HSF2BP: variants seen among roughly 807,000 people sequenced by gnomAD.
HSF2BP encodes heat shock transcription factor 2 binding protein, also known as heat shock factor 2-binding protein.
A neutral mutation model predicts 35.0 loss-of-function variants in HSF2BP; 35 were observed. The ratio of observed to expected loss-of-function variants is 1.00; its 90% CI spans 0.76 to 1.32. HSF2BP has a LOEUF of 1.32. Ranked by LOEUF, HSF2BP falls within the 40% of genes most tolerant of loss-of-function variation. HSF2BP has a pLI of 0.00. For missense variants in HSF2BP, 326 were observed against 321.7 expected (o/e 1.01, Z -0.10); for synonymous variants, 114 against 117.4 (o/e 0.97, Z 0.18).
At chr21:43,584,153 G>A (rs1444828337) in intron 8 of HSF2BP, among the ~76,000 whole-genome samples, 5 of 148,778 alleles carry the variant, frequency 3.4e-5, no homozygotes, top group Admixed American at 2.0e-4. Context: ...AGGGCCTGCC[G>A]AGGGAGATGA....
intron 6 of HSF2BP, among the ~76,000 whole-genome samples, chr21:43,627,564 G>A (rs543253205): frequency 3.9e-5 from 6 of 152,080 alleles, no homozygotes; most frequent in East Asian, 3.9e-4. Context: ...AAACATACCC[G>A]GTACCTATCC....
intron 6 of HSF2BP, among the ~76,000 whole-genome samples, chr21:43,620,793 G>C (rs2082323192): frequency 6.6e-6 from 1 of 152,008 alleles, no homozygotes; most frequent in Admixed American, 6.6e-5. Flanking sequence ...CACATTTGCT[G>C]AACTGAAAAA....
At chr21:43,609,590 G>A (rs545724721) in intron 7 of HSF2BP, among the ~76,000 whole-genome samples, 2 of 152,256 alleles carry the variant, frequency 1.3e-5, no homozygotes, top group Admixed American at 6.5e-5. Flanking sequence ...ACACAAGGCA[G>A]GGGGAGGCCA....
chr21:43,633,774 A>G (rs1234833651), intron 4 of HSF2BP, among the ~76,000 whole-genome samples: 1 of 152,182 alleles, frequency 6.6e-6, no homozygotes, highest in Non-Finnish European at 1.5e-5. Flanking sequence ...ACAACCTCAC[A>G]AAGCAATTTA....
chr21:43,650,743 T>C (rs1234647909), intron 3 of HSF2BP, among the ~76,000 whole-genome samples: 1 of 149,118 alleles, frequency 6.7e-6, no homozygotes, highest in African/African-American at 2.5e-5. Flanking sequence ...AGTCTCACTT[T>C]GTCACCCAGT....
chr21:43,585,993 T>C (rs1437693363), intron 8 of HSF2BP, among the ~76,000 whole-genome samples: 2 of 152,208 alleles, frequency 1.3e-5, no homozygotes, highest in Non-Finnish European at 2.9e-5. Flanking sequence ...GGCACAAATC[T>C]GGAGAACCTG....
chr21:43,602,447 C>T (rs1180977013), intron 7 of HSF2BP, among the ~76,000 whole-genome samples: 1 of 152,170 alleles, frequency 6.6e-6, no homozygotes, highest in Non-Finnish European at 1.5e-5. Context: ...GCTGGTTTTC[C>T]TGCAGAGCTC....
rs186261482 is a variant in HSF2BP, at chr21:43,577,347, A to C, written c.796+14878T>G. Among the ~76,000 whole-genome samples, 232 of 152,344 alleles carry C rather than the reference A, an allele frequency of 1.5e-3. 1 individual carries two copies. The highest frequency in any genetic ancestry group is 5.3e-3 in the African/African-American group (221 of 41,548). ...ACACTTAGTGACTGTATTACTACAG[A>C]AACAGTCAAAATACTTCAACTGGAA... is the stretch of plus-strand genomic sequence containing the variant. On this transcript the variant is annotated intron_variant, in intron 8 of 8. Transcript: ENST00000291560.
intron 6 of HSF2BP, among the ~76,000 whole-genome samples, chr21:43,621,625 T>A (rs914658248): frequency 6.6e-6 from 1 of 151,564 alleles, no homozygotes; most frequent in East Asian, 1.9e-4. Context: ...TATAAGAATA[T>A]CGTATCCAGC....
intron 7 of HSF2BP, among the ~76,000 whole-genome samples, chr21:43,604,271 CCACTCACACACAT>C (rs1289039142): frequency 3.4e-5 from 5 of 147,230 alleles, no homozygotes; most frequent in African/African-American, 1.3e-4. Flanking sequence ...ATACCACACA[CCACTCACACACAT>C]CACACACACC....
chr21:43,611,264 G>A (rs146784207), intron 7 of HSF2BP, among the ~76,000 whole-genome samples: 1 of 152,102 alleles, frequency 6.6e-6, no homozygotes, highest in African/African-American at 2.4e-5. Flanking sequence ...AATTTTTTTT[G>A]CATATATGTT....
Position 43,656,696 on chromosome 21 carries a change from CTTCT to C in HSF2BP, c.74_77del (p.Lys25ArgfsTer6). 1.2e-6 allele frequency: 2 copies of C among 1,613,946 alleles called. No homozygotes were observed. The highest frequency in any genetic ancestry group is 1.7e-6 in the Non-Finnish European group (2 of 1,179,950). ...CTTCAGTTGTCAGCCGTTCCAGATC[CTTCT>C]TTCTGACTTTAACAAATTCCTCTTT... On this transcript the variant is annotated frameshift_variant, in exon 3 of 9. Transcript: ENST00000291560. LOFTEE classifies it high-confidence loss of function.
intron 8 of HSF2BP, among the ~76,000 whole-genome samples, chr21:43,577,229 T>A (rs150023631): frequency 6.6e-6 from 1 of 152,344 alleles, no homozygotes; most frequent in Non-Finnish European, 1.5e-5. Context: ...TGGCAGGATA[T>A]GTTTTTAAGA....
chr21:43,658,259 A>T lies in HSF2BP; in HGVS notation c.-163T>A, dbSNP rs558637461. The stretch of plus-strand genomic sequence containing the variant: ...AGTATTCTCGGCCTAGAGAGCGAGG[A>T]GTGGCCTTGGCGAGGTCCCTCTTTG... On this transcript the variant is annotated 5_prime_UTR_variant, in exon 2 of 9. Coordinates refer to ENST00000291560, the MANE Select transcript of HSF2BP (RefSeq NM_007031.2). 2.5e-6 allele frequency: 2 copies of T among 814,968 alleles called. No individual in the cohort carries two copies. Among genetic ancestry groups the T allele is most frequent in the Non-Finnish European group, 3.7e-6 (2 of 544,814 alleles). The allele number at this position is 814,968 out of a possible 1,614,324, so 50.5% of individuals were successfully genotyped here.
chr21:43,647,928 C>CAAAAAAA (rs774339620), intron 3 of HSF2BP, among the ~76,000 whole-genome samples: 6 of 76,796 alleles, frequency 7.8e-5, no homozygotes, highest in South Asian at 4.2e-4. Context: ...GACTTCATCT[C>CAAAAAAA]AAAAAAAAAA....
rs1181021404 is a variant in HSF2BP, at chr21:43,644,285, G to T, written c.291+4C>A. On this transcript the variant is annotated splice_donor_region_variant and intron_variant, in intron 4 of 8. Transcript: ENST00000291560. ...TGGTGAGAGTCTGTCCCTGAGCATG[G>T]TACCTTCTTCTCTCTTATGTTGTCG... The T allele has an allele frequency of 1.2e-6, 2 of 1,610,608 alleles. No homozygotes were observed. Among genetic ancestry groups the T allele is most frequent in the South Asian group, 1.1e-5 (1 of 91,004 alleles).
intron 7 of HSF2BP, among the ~76,000 whole-genome samples, chr21:43,603,353 G>A (rs2838328): frequency 6.6e-6 from 1 of 151,976 alleles, no homozygotes; most frequent in Non-Finnish European, 1.5e-5. Flanking sequence ...ACCAGTGGCC[G>A]GAGGGGAAGG....
intron 1 of HSF2BP, among the ~76,000 whole-genome samples, chr21:43,658,653 G>A (rs1238388783): frequency 8.5e-5 from 13 of 152,216 alleles, no homozygotes; most frequent in Admixed American, 8.5e-4. Context: ...GGATGGCCTC[G>A]GGTTTTAGAT....
At chr21:43,467,476 A>C in the HSF2BP span, among the ~76,000 whole-genome samples, 1 of 113,838 alleles carries the variant, frequency 8.8e-6, no homozygotes, top group Non-Finnish European at 1.8e-5. Context: ...ATTTCTTCTT[A>C]GCCAAATCCC....
Sources: gnomAD v4.1 joint callset for allele counts (sites outside exome capture counted in the v4.1 genomes callset) on GRCh38, gnomAD v4.1.1 for gene constraint, MANE v1.5 for transcripts, NCBI Gene and HGNC (gene_info 2026-07-23, HGNC 2026-07-21) for gene names.